Variants in SHISA9 observed in about 807,000 individuals in gnomAD.
SHISA9 encodes protein shisa-9.
SHISA9 carries 13 observed loss-of-function variants against 38.0 expected under a neutral mutation model. The ratio of observed to expected loss-of-function variants is 0.34; its 90% CI spans 0.22 to 0.54. The LOEUF is 0.54. Ranked by LOEUF, SHISA9 falls within the 20% of genes least tolerant of loss-of-function variation. The probability of loss-of-function intolerance (pLI) is 0.91; values close to 1 mark genes in which losing one functional copy is unlikely to be tolerated. For synonymous variants in SHISA9, 275 were observed against 242.0 expected (o/e 1.14, Z -1.27); for missense variants, 538 against 575.8 (o/e 0.93, Z 0.67).
chr16:13,315,394 C>A, the SHISA9 span, among the ~76,000 whole-genome samples: 1 of 152,214 alleles, frequency 6.6e-6, no homozygotes, highest in African/African-American at 2.4e-5. Flanking sequence ...GCTGTCACTA[C>A]AGTACCCAAT....
the SHISA9 span, among the ~76,000 whole-genome samples, chr16:13,510,179 G>A: frequency 6.6e-6 from 1 of 152,032 alleles, no homozygotes; most frequent in Non-Finnish European, 1.5e-5. Flanking sequence ...ATGGTGGCAG[G>A]CACCTGTAAT....
the SHISA9 span, among the ~76,000 whole-genome samples, chr16:13,332,871 G>A: frequency 6.6e-6 from 1 of 152,208 alleles, no homozygotes; most frequent in Admixed American, 6.5e-5. Flanking sequence ...GGGCAGAGGT[G>A]CTACATGGCC....
the SHISA9 span, among the ~76,000 whole-genome samples, chr16:13,269,995 C>A: frequency 6.6e-6 from 1 of 152,008 alleles, no homozygotes; most frequent in Non-Finnish European, 1.5e-5. Flanking sequence ...AGAATGAGAC[C>A]CAGAGAGCCT....
intron 1 of SHISA9, chr16:12,909,637 C>G (rs762973072): frequency 8.9e-5 from 87 of 982,050 alleles, no homozygotes; most frequent in Non-Finnish European, 9.9e-5. Context: ...CACCAGGGTC[C>G]CAGCTCCAAT....
At chr16:13,488,169 T>G in the SHISA9 span, among the ~76,000 whole-genome samples, 2 of 151,638 alleles carry the variant, frequency 1.3e-5, no homozygotes, top group Admixed American at 6.6e-5. Flanking sequence ...CCTGAGCCCC[T>G]AATGGCTTTA....
the SHISA9 span, among the ~76,000 whole-genome samples, chr16:13,359,571 G>A: frequency 2.0e-5 from 3 of 152,168 alleles, no homozygotes; most frequent in African/African-American, 7.2e-5. Context: ...GGAAAGTTGT[G>A]TAAGTTTAGA....
intron 1 of SHISA9, among the ~76,000 whole-genome samples, chr16:12,903,333 C>G (rs2071046895): frequency 6.6e-6 from 1 of 152,176 alleles, no homozygotes; most frequent in Admixed American, 6.5e-5. Flanking sequence ...GAGCCCCTTG[C>G]CCTGGCTGGC....
intron 2 of SHISA9, among the ~76,000 whole-genome samples, chr16:13,003,275 AAGGCAG>A (rs1390004904): frequency 2.6e-5 from 4 of 152,204 alleles, no homozygotes; most frequent in African/African-American, 9.6e-5. Flanking sequence ...GACATGTTTC[AAGGCAG>A]GGGGAAAACA....
intron 2 of SHISA9, among the ~76,000 whole-genome samples, chr16:12,921,594 T>A (rs983829710): frequency 6.6e-6 from 1 of 152,068 alleles, no homozygotes; most frequent in Non-Finnish European, 1.5e-5. Flanking sequence ...AGACCCTGTC[T>A]CTAAAAAAAG....
the SHISA9 span, among the ~76,000 whole-genome samples, chr16:13,297,421 G>A: frequency 6.6e-6 from 1 of 152,182 alleles, no homozygotes; most frequent in African/African-American, 2.4e-5. Context: ...TAAGCCTGTG[G>A]TTGAGGTTTC....
chr16:13,070,756 G>A (rs753825169), intron 2 of SHISA9, among the ~76,000 whole-genome samples: 1 of 152,218 alleles, frequency 6.6e-6, no homozygotes, highest in Non-Finnish European at 1.5e-5. Context: ...AGGTTTTACA[G>A]ATTGGGAGAG....
the SHISA9 span, among the ~76,000 whole-genome samples, chr16:13,445,105 A>C: frequency 1.3e-5 from 2 of 149,664 alleles, no homozygotes; most frequent in African/African-American, 4.9e-5. Flanking sequence ...CAAGCAGTCC[A>C]CCCACCTCGG....
intron 2 of SHISA9, among the ~76,000 whole-genome samples, chr16:12,934,712 C>A (rs925631330): frequency 6.6e-6 from 1 of 152,164 alleles, no homozygotes; most frequent in Non-Finnish European, 1.5e-5. Flanking sequence ...CCTTTAAAAT[C>A]GCTTACCAAA....
At chr16:13,278,849 A>G in the SHISA9 span, among the ~76,000 whole-genome samples, 1 of 151,454 alleles carries the variant, frequency 6.6e-6, no homozygotes, top group Non-Finnish European at 1.5e-5. Flanking sequence ...AATTTTATTC[A>G]TTTTTTCAAA....
At chr16:13,384,098 G>A in the SHISA9 span, among the ~76,000 whole-genome samples, 1 of 152,118 alleles carries the variant, frequency 6.6e-6, no homozygotes, top group Admixed American at 6.5e-5. Flanking sequence ...CTTTCAACTG[G>A]TTTATACATT....
At chr16:13,355,417 T>TG in the SHISA9 span, among the ~76,000 whole-genome samples, 1 of 150,536 alleles carries the variant, frequency 6.6e-6, no homozygotes, top group Non-Finnish European at 1.5e-5. Flanking sequence ...TGGGTTAAGG[T>TG]GGGGGGATAC....
At chr16:13,029,276 A>G (rs968443304) in intron 2 of SHISA9, among the ~76,000 whole-genome samples, 3 of 152,210 alleles carry the variant, frequency 2.0e-5, no homozygotes, top group African/African-American at 7.2e-5. Context: ...AAAATGTGGT[A>G]CACATACACA....
the SHISA9 span, among the ~76,000 whole-genome samples, chr16:13,502,483 T>A: frequency 2.6e-5 from 4 of 152,232 alleles, no homozygotes; most frequent in African/African-American, 4.8e-5. Flanking sequence ...ATATATTTAT[T>A]GTATACCTAC....
intron 2 of SHISA9, among the ~76,000 whole-genome samples, chr16:13,196,565 T>A (rs370374929): frequency 6.6e-6 from 1 of 152,200 alleles, no homozygotes; most frequent in East Asian, 1.9e-4. Context: ...GGTACCTAGA[T>A]ATTTTGAAAC....
Sources: allele counts gnomAD v4.1 joint callset (sites outside exome capture counted in the v4.1 genomes callset), GRCh38; gene constraint gnomAD v4.1.1; transcripts MANE v1.5; gene names NCBI Gene and HGNC (gene_info 2026-07-23, HGNC 2026-07-21).